CDH12: variants seen among roughly 807,000 people sequenced by gnomAD.
The protein encoded by CDH12 is cadherin 12, also known as cadherin-12.
CDH12 carries 41 observed loss-of-function variants against 74.1 expected under a neutral mutation model. The observed-to-expected ratio is 0.55, with a 90% CI of 0.43 to 0.72. The LOEUF (loss-of-function observed/expected upper bound fraction) is 0.72. Ranked by LOEUF, CDH12 falls within the 30% of genes least tolerant of loss-of-function variation. The pLI is 0.00. For missense variants in CDH12, 945 were observed against 977.2 expected, an observed-to-expected ratio of 0.97 and a Z score of 0.44; for synonymous variants, 399 against 355.0, an observed-to-expected ratio of 1.12 and a Z score of -1.39.
chr5:22,135,860 C>T (rs916966730), intron 4 of CDH12, among the ~76,000 whole-genome samples: 1 of 151,864 alleles, frequency 6.6e-6, no homozygotes. Context: ...GCCAGACTTG[C>T]AGTGAATTAC....
chr5:22,795,160 G>T (rs1202210890), intron 1 of CDH12, among the ~76,000 whole-genome samples: 2 of 152,040 alleles, frequency 1.3e-5, no homozygotes, highest in Non-Finnish European at 2.9e-5. Context: ...TATGTCACCT[G>T]CCAAAGACCT....
At chr5:22,263,662 A>T (rs1462606606) in intron 3 of CDH12, among the ~76,000 whole-genome samples, 4 of 152,134 alleles carry the variant, frequency 2.6e-5, no homozygotes, top group African/African-American at 9.6e-5. Flanking sequence ...TTATCTTAAA[A>T]CTTCATAGTG....
intron 1 of CDH12, among the ~76,000 whole-genome samples, chr5:22,545,901 T>C (rs968036277): frequency 1.3e-5 from 2 of 152,076 alleles, no homozygotes; most frequent in Admixed American, 1.3e-4. Flanking sequence ...AGTTATACAG[T>C]AATGTCACTT....
chr5:22,335,510 G>T (rs1015105188), intron 3 of CDH12, among the ~76,000 whole-genome samples: 4 of 151,962 alleles, frequency 2.6e-5, no homozygotes, highest in African/African-American at 9.7e-5. Context: ...GCGTGAACCT[G>T]GGAGGCAGAG....
intron 1 of CDH12, among the ~76,000 whole-genome samples, chr5:22,665,190 C>T (rs1053456192): frequency 1.1e-4 from 17 of 152,168 alleles, no homozygotes; most frequent in Non-Finnish European, 2.9e-5. Flanking sequence ...TAAAAATAAA[C>T]CATGGCCTGC....
chr5:22,707,231 A>G (rs1743057136), intron 1 of CDH12, among the ~76,000 whole-genome samples: 1 of 152,232 alleles, frequency 6.6e-6, no homozygotes, highest in African/African-American at 2.4e-5. Flanking sequence ...TGTTGAACAT[A>G]CAGACTAATT....
intron 1 of CDH12, among the ~76,000 whole-genome samples, chr5:22,814,886 G>C (rs964678334): frequency 1.3e-5 from 2 of 152,054 alleles, no homozygotes; most frequent in African/African-American, 4.8e-5. Flanking sequence ...TTGTTAAAAA[G>C]GAGTTTTTTC....
At chr5:22,418,988 G>A (rs1174556741) in intron 2 of CDH12, among the ~76,000 whole-genome samples, 1 of 152,144 alleles carries the variant, frequency 6.6e-6, no homozygotes. Flanking sequence ...GGGTGTTGAA[G>A]TTTGTCGAAG....
intron 2 of CDH12, among the ~76,000 whole-genome samples, chr5:22,452,919 A>AAAAAAAAAGAAAAC (rs1745112857): frequency 6.8e-6 from 1 of 146,186 alleles, no homozygotes; most frequent in Admixed American, 6.9e-5. Flanking sequence ...TTAAAAGTGG[A>AAAAAAAAAGAAAAC]CCAAAGCCCT....
intron 6 of CDH12, among the ~76,000 whole-genome samples, chr5:21,881,931 G>T (rs1752375457): frequency 6.6e-6 from 1 of 152,130 alleles, no homozygotes; most frequent in African/African-American, 2.4e-5. Context: ...AAAGTGAGAA[G>T]AAATCAGTCT....
At chr5:21,823,835 T>C (rs909255108) in intron 8 of CDH12, among the ~76,000 whole-genome samples, 1 of 152,148 alleles carries the variant, frequency 6.6e-6, no homozygotes, top group Non-Finnish European at 1.5e-5. Context: ...TCAGTGTGAC[T>C]CACAGTTTGA....
intron 3 of CDH12, among the ~76,000 whole-genome samples, chr5:22,397,726 C>T (rs1328243716): frequency 6.6e-6 from 1 of 152,000 alleles, no homozygotes; most frequent in Non-Finnish European, 1.5e-5. Flanking sequence ...AAGTTGAAGC[C>T]CTAATCCGTG....
chr5:22,164,843 TAGTC>T (rs1286979615), intron 4 of CDH12, among the ~76,000 whole-genome samples: 3 of 143,134 alleles, frequency 2.1e-5, no homozygotes, highest in Admixed American at 7.1e-5. Flanking sequence ...TAGGGATTCT[TAGTC>T]AGCCTAGGAA....
rs531598952 is a variant in CDH12, at chr5:22,552,372, T to C, written c.-522-47008A>G. On this transcript the variant is annotated intron_variant, in intron 1 of 14. Transcript: ENST00000382254. ...CTGCAATTTAATTCACTGCCTAGCATACCGGTTCTTCTCCTTCAGGAGAAA... is the reference window on the plus strand; with the variant it reads ...CTGCAATTTAATTCACTGCCTAGCACACCGGTTCTTCTCCTTCAGGAGAAA... 9.2e-5 allele frequency among the ~76,000 whole-genome samples: 14 copies of C among 152,062 alleles called. No homozygotes were observed. The East Asian group carries it at 2.7e-3, about 29-fold the overall frequency.
At chr5:22,524,463 C>T (rs1009816228) in intron 1 of CDH12, among the ~76,000 whole-genome samples, 57 of 152,132 alleles carry the variant, frequency 3.7e-4, no homozygotes, top group Admixed American at 1.4e-3. Context: ...CTAATATACC[C>T]TACTATATTT....
chr5:22,491,622 C>CAAAAAAAAAAAAAAAAAAAAAAAAAAA (rs33936783), intron 2 of CDH12, among the ~76,000 whole-genome samples: 1 of 135,640 alleles, frequency 7.4e-6, no homozygotes, highest in Non-Finnish European at 1.5e-5. Flanking sequence ...AAAAAAAAAA[C>CAAAAAAAAAAAAAAAAAAAAAAAAAAA]AAAAAAAAAA....
intron 2 of CDH12, among the ~76,000 whole-genome samples, chr5:22,471,145 G>C (rs73742109): frequency 0.026 from 3,896 of 152,064 alleles, 157 homozygotes; most frequent in African/African-American, 0.09. Flanking sequence ...CTAGAAAACA[G>C]GAAGCATTCA....
chr5:21,813,680 A>G (rs1747880544), intron 9 of CDH12, among the ~76,000 whole-genome samples: 1 of 152,086 alleles, frequency 6.6e-6, no homozygotes, highest in African/African-American at 2.4e-5. Flanking sequence ...CTTGCCTAGT[A>G]CACTCCCAAT....
intron 3 of CDH12, among the ~76,000 whole-genome samples, chr5:22,244,229 C>T (rs2150382481): frequency 6.6e-6 from 1 of 152,142 alleles, no homozygotes; most frequent in Middle Eastern, 3.4e-3. Flanking sequence ...GTGGCTCACG[C>T]CTGTAATCCC....
Sources: allele counts gnomAD v4.1 joint callset (sites outside exome capture counted in the v4.1 genomes callset), GRCh38; gene constraint gnomAD v4.1.1; transcripts MANE v1.5; gene names NCBI Gene and HGNC (gene_info 2026-07-23, HGNC 2026-07-21).